DTX2: variants seen among roughly 807,000 people sequenced by gnomAD.
DTX2 encodes the protein deltex E3 ubiquitin ligase 2, also known as probable E3 ubiquitin-protein ligase DTX2.
A neutral mutation model predicts 55.3 loss-of-function variants in DTX2; 29 were observed. The ratio of observed to expected loss-of-function variants is 0.52; its 90% CI spans 0.39 to 0.71. The LOEUF is 0.71. DTX2 is among the 30% of genes least tolerant of loss of function. The pLI is 0.00. For missense variants in DTX2, 537 were observed against 822.5 expected (o/e 0.65, Z 4.25); for synonymous variants, 276 against 340.4 (o/e 0.81, Z 2.08).
chr7:76,484,045 G>C (rs1809627155), intron 4 of DTX2, among the ~76,000 whole-genome samples: 1 of 141,876 alleles, frequency 7.0e-6, no homozygotes, highest in Non-Finnish European at 1.5e-5. Context: ...AGGTGACAGA[G>C]CGAGACCCTG....
intron 7 of DTX2, 165 bp from the exon 8 acceptor site, chr7:76,502,133 T>C (rs1391627221): frequency 1.6e-6 from 1 of 620,118 alleles, no homozygotes; most frequent in African/African-American, 1.8e-5. Context: ...GTGATCGGCC[T>C]CCTAGAGTGC....
At chr7:76,503,757 C>G (rs61549812) in intron 9 of DTX2, among the ~76,000 whole-genome samples, 170 bp downstream of exon 9, 1 of 136,414 alleles carries the variant, frequency 7.3e-6, no homozygotes, top group African/African-American at 2.5e-5. Context: ...GAGGCAGTGC[C>G]GGGGCTTAGG....
At chr7:76,463,065 T>TCAAAAAA (rs777293914) in intron 1 of DTX2, among the ~76,000 whole-genome samples, 1 of 119,638 alleles carries the variant, frequency 8.4e-6, no homozygotes, top group African/African-American at 3.6e-5. Context: ...AGACCCCGTC[T>TCAAAAAA]CAAAAAACAA....
chr7:76,477,211 T>C (rs565461048), intron 2 of DTX2: 1 of 144,488 alleles, frequency 6.9e-6, no homozygotes, highest in African/African-American at 2.7e-5. Context: ...TGGGCTTTTG[T>C]CGGAGGAATT....
chr7:76,469,012 A>C, intron 2 of DTX2, among the ~76,000 whole-genome samples: 2 of 113,674 alleles, frequency 1.8e-5, no homozygotes, highest in African/African-American at 3.4e-5. Context: ...TGATCCACCC[A>C]CCTCAGCCTC....
chr7:76,505,568 G>T lies in DTX2; in HGVS notation c.1836G>T (p.Gln612His). The T allele has an allele frequency of 6.3e-7, 1 of 1,593,970 alleles. No homozygotes were observed. Among genetic ancestry groups the T allele is most frequent in the East Asian group, 2.3e-5 (1 of 44,120 alleles). ...LQNVLAELAAQGVTEDCLEQQ is the reference protein window; with the variant it reads ...LQNVLAELAAHGVTEDCLEQQ ...ACGTGCTGGCTGAGCTGGCTGCCCA[G>T]GGGGTGACCGAGGACTGCCTGGAGC... Residue 612 changes from glutamine to histidine, a missense_variant, in exon 11 of 11, where the codon CAG becomes CAT. Gln to His is a conservative substitution (Grantham distance 24). Transcript: ENST00000430490. The surrounding 1 kb of genome is among the most constrained non-coding windows in gnomAD (Gnocchi z 4.4).
chr7:76,477,148 C>T (rs1261289111), intron 2 of DTX2: 2 of 129,558 alleles, frequency 1.5e-5, no homozygotes, highest in African/African-American at 6.2e-5. Flanking sequence ...CTGAACCATT[C>T]CGCCCGCCCG....
chr7:76,480,865 G>A, intron 3 of DTX2, 88 bp downstream of exon 3: 1 of 1,422,740 alleles, frequency 7.0e-7, no homozygotes. Flanking sequence ...TGATGGACGT[G>A]ACTTACAGAG....
intron 6 of DTX2, among the ~76,000 whole-genome samples, chr7:76,499,008 A>G (rs1341238046): frequency 4.5e-5 from 1 of 22,364 alleles, no homozygotes; most frequent in Non-Finnish European, 7.4e-5. Context: ...TAGGGTGTGT[A>G]GAAGTGTGGG....
intron 2 of DTX2, among the ~76,000 whole-genome samples, chr7:76,464,900 GGT>G (rs1349308680): frequency 6.6e-6 from 1 of 150,602 alleles, no homozygotes; most frequent in Non-Finnish European, 1.5e-5. Context: ...TTGCTAAGAG[GGT>G]GTTTTCTTTC....
Position 76,471,363 on chromosome 7 carries a change from A to G in DTX2, c.-90+7654A>G, listed in dbSNP as rs1443099427. ...TTTTTAGTAGAGACAGGGTTTCACCATGTTAGCCACGATGGTCTCGATCTC... is the reference window on the plus strand; with the variant it reads ...TTTTTAGTAGAGACAGGGTTTCACCGTGTTAGCCACGATGGTCTCGATCTC... On this transcript the variant is annotated intron_variant, in intron 2 of 10. Transcript: ENST00000430490. 2.9e-3 allele frequency among the ~76,000 whole-genome samples: 435 copies of G among 148,478 alleles called. 1 individual carries two copies. Among genetic ancestry groups the G allele is most frequent in the Non-Finnish European group, 3.7e-3 (246 of 66,904 alleles).
intron 2 of DTX2, among the ~76,000 whole-genome samples, chr7:76,475,618 C>T (rs1434345825): frequency 1.3e-5 from 2 of 151,132 alleles, no homozygotes; most frequent in African/African-American, 4.9e-5. Flanking sequence ...ACCCGGGAGG[C>T]GGAGGTTGCA....
chr7:76,481,547 C>T lies in DTX2; in HGVS notation c.268+770C>T, dbSNP rs959018181. 1.9e-4 allele frequency among the ~76,000 whole-genome samples: 29 copies of T among 152,222 alleles called. 1 individual carries two copies. The highest frequency in any genetic ancestry group is 3.4e-3 in the Middle Eastern group (1 of 294). On this transcript the variant is annotated intron_variant, in intron 3 of 10. Coordinates refer to ENST00000430490, the MANE Select transcript of DTX2 (RefSeq NM_001102594.3). The stretch of plus-strand genomic sequence containing the variant: ...GGCACCAGTTTCCTCTCGGAGCCAT[C>T]CCTTACTCTAATCTGGTGGTTGTCA...
intron 2 of DTX2, among the ~76,000 whole-genome samples, chr7:76,474,398 G>T (rs942508187): frequency 2.0e-5 from 3 of 151,818 alleles, no homozygotes; most frequent in African/African-American, 7.3e-5. Context: ...ATGTATAAGG[G>T]TTTCTGCTTG....
At chr7:76,469,536 G>C (rs1432749285) in intron 2 of DTX2, among the ~76,000 whole-genome samples, 2 of 150,152 alleles carry the variant, frequency 1.3e-5, no homozygotes, top group Non-Finnish European at 3.0e-5. Flanking sequence ...GGGACTACAG[G>C]CGCTCGCCAC....
intron 6 of DTX2, among the ~76,000 whole-genome samples, chr7:76,499,515 C>T (rs1338521594): frequency 1.3e-5 from 2 of 151,678 alleles, no homozygotes; most frequent in Admixed American, 1.3e-4. Context: ...ACCAGAGCCC[C>T]TTCTGGTCCT....
intron 3 of DTX2, among the ~76,000 whole-genome samples, chr7:76,482,009 G>A (rs140016316): frequency 5.9e-5 from 9 of 152,176 alleles, no homozygotes; most frequent in African/African-American, 1.4e-4. Flanking sequence ...TGGAAACTAT[G>A]TGTTTCCAGG....
At chr7:76,494,291 A>C (rs1810690242) in intron 5 of DTX2, among the ~76,000 whole-genome samples, 1 of 92,052 alleles carries the variant, frequency 1.1e-5, no homozygotes, top group Non-Finnish European at 2.4e-5. Flanking sequence ...CAGGGGAGAC[A>C]GAATGAGCAA....
In DTX2 at chr7:76,502,516, C is replaced by G; in HGVS notation, c.1389+60C>G. 3 of 1,563,256 alleles carry G rather than the reference C, an allele frequency of 1.9e-6. No individual in the cohort carries two copies. In the South Asian group the frequency reaches 3.5e-5, roughly 18 times the overall value. ...CCGCCCCCACAGTCCTGAGCTGTCC[C>G]CTGCAGGGGCGGGAGGGTTCCGGGG... is the stretch of plus-strand genomic sequence containing the variant. On this transcript the variant is annotated intron_variant, in intron 8 of 10. Coordinates refer to ENST00000430490, the MANE Select transcript of DTX2 (RefSeq NM_001102594.3).
Sources: allele counts gnomAD v4.1 joint callset (sites outside exome capture counted in the v4.1 genomes callset), GRCh38; gene constraint gnomAD v4.1.1; non-coding constraint Gnocchi (gnomAD v3.1); transcripts MANE v1.5; gene names NCBI Gene and HGNC (gene_info 2026-07-23, HGNC 2026-07-21).